ZCCHC14: variants seen among roughly 807,000 people sequenced by gnomAD.
ZCCHC14 encodes zinc finger CCHC domain-containing protein 14.
ZCCHC14 carries 16 observed loss-of-function variants against 85.0 expected under a neutral mutation model. That is an observed-to-expected ratio of 0.19 (90% CI 0.13 to 0.29). ZCCHC14 has a LOEUF of 0.29. ZCCHC14 is among the 10% of genes least tolerant of loss of function. The pLI is 1.00. For missense variants in ZCCHC14, 1,303 were observed against 1,443.5 expected (o/e 0.90, Z 1.58); for synonymous variants, 775 against 630.7 (o/e 1.23, Z -3.43).
intron 4 of ZCCHC14, among the ~76,000 whole-genome samples, chr16:87,422,428 A>C (rs560015228): frequency 6.6e-6 from 1 of 152,078 alleles, no homozygotes; most frequent in Admixed American, 6.6e-5. Context: ...AATGGATAAG[A>C]ATTTTCCAAA....
rs750964145 is a variant in ZCCHC14, at chr16:87,417,758, A to G, written c.1101-16T>C. On this transcript the variant is annotated splice_polypyrimidine_tract_variant and intron_variant, in intron 7 of 12. Transcript: ENST00000671377. ...ACACACAGGCCTGTGGGACAGGGGCAGGAGGGACACAGAGAGACTGTGGCT... is the reference window on the plus strand; with the variant it reads ...ACACACAGGCCTGTGGGACAGGGGCGGGAGGGACACAGAGAGACTGTGGCT... The G allele has an allele frequency of 8.3e-6, 13 of 1,565,184 alleles. No homozygotes were observed. Among genetic ancestry groups the G allele is most frequent in the Non-Finnish European group, 1.1e-5 (13 of 1,158,912 alleles).
At chr16:87,425,842 C>T (rs1909343528) in intron 3 of ZCCHC14, among the ~76,000 whole-genome samples, 2 of 152,186 alleles carry the variant, frequency 1.3e-5, no homozygotes, top group Admixed American at 1.3e-4. Flanking sequence ...CTCACACCTG[C>T]CTCTAGGCTG....
At chr16:87,483,618 A>C (rs1329139889) in intron 1 of ZCCHC14, among the ~76,000 whole-genome samples, 1 of 152,242 alleles carries the variant, frequency 6.6e-6, no homozygotes, top group East Asian at 1.9e-4. Context: ...ATCAACTCCT[A>C]AGATAAAACC....
chr16:87,455,721 G>T (rs1028639932), intron 2 of ZCCHC14, among the ~76,000 whole-genome samples: 6 of 152,220 alleles, frequency 3.9e-5, no homozygotes, highest in Non-Finnish European at 7.3e-5. Context: ...GGCTGGAGTT[G>T]ACGATTTTTC....
chr16:87,464,916 C>T (rs1346309029), intron 1 of ZCCHC14, among the ~76,000 whole-genome samples: 4 of 152,232 alleles, frequency 2.6e-5, no homozygotes, highest in African/African-American at 4.8e-5. Flanking sequence ...AGAGGGAAGA[C>T]TGACCGGCTC....
At chr16:87,473,370 T>C (rs1597448345) in intron 1 of ZCCHC14, 2 of 152,296 alleles carry the variant, frequency 1.3e-5, no homozygotes, top group Middle Eastern at 6.8e-3. Context: ...ACCCAGCTAA[T>C]TTTTGTATTA....
At position 87,411,864 on chromosome 16, in the gene ZCCHC14, C is replaced by T. The variant is rs931933177; in HGVS notation, c.2857G>A (p.Gly953Ser). The T allele has an allele frequency of 7.5e-6, 12 of 1,605,542 alleles. No homozygotes were observed. Among genetic ancestry groups the T allele is most frequent in the East Asian group, 2.2e-5 (1 of 44,550 alleles). Residue 953 changes from glycine to serine, a missense_variant, in exon 12 of 13, where the codon GGT (glycine) becomes AGT (serine). Around this residue, in one of 7 missense-constraint regions of ZCCHC14, gnomAD observed 797 missense variants for 730.8 expected, o/e 1.09. Transcript: ENST00000671377. Reference sequence around the variant, plus strand: ...AAGGGGAAGGTGAACACGGACGGACCGGAGAACGGGTGCTGGAAGTAGTTG... The same window carrying T: ...AAGGGGAAGGTGAACACGGACGGACTGGAGAACGGGTGCTGGAAGTAGTTG... ...YANYFQHPFS[G>S]PSVFTFPFLP...
chr16:87,445,799 T>A (rs75867995), intron 2 of ZCCHC14, among the ~76,000 whole-genome samples: 375 of 152,294 alleles, frequency 2.5e-3, no homozygotes, highest in Non-Finnish European at 3.8e-3. Context: ...GGTTGTAGTG[T>A]CTCTTTTGAT....
At chr16:87,423,343 C>A (rs1909202063) in intron 4 of ZCCHC14, among the ~76,000 whole-genome samples, 1 of 152,076 alleles carries the variant, frequency 6.6e-6, no homozygotes, top group African/African-American at 2.4e-5. Flanking sequence ...ATGATGGTAC[C>A]ACCACAACCC....
At position 87,412,178 on chromosome 16, in the gene ZCCHC14, C is replaced by A; in HGVS notation, c.2543G>T (p.Ser848Ile). Reference sequence around the variant, plus strand: ...GTTGGCAAAGGACGTGGAGGGGTGGCTGCTGGGAGAGGCAGTGTTGCTGTT... The same window carrying A: ...GTTGGCAAAGGACGTGGAGGGGTGGATGCTGGGAGAGGCAGTGTTGCTGTT... ...CANSNTASPS[S>I]HPSTSFANMA... Residue 848 changes from serine to isoleucine, a missense_variant, in exon 12 of 13, where the codon AGC (serine) becomes ATC (isoleucine). Physicochemically the swap from Ser to Ile is moderately radical, Grantham distance 142. Coordinates refer to ENST00000671377, the MANE Select transcript of ZCCHC14 (RefSeq NM_015144.3). The A allele has an allele frequency of 3.1e-6, 5 of 1,614,060 alleles. No individual in the cohort carries two copies. The highest frequency in any genetic ancestry group is 4.2e-6 in the Non-Finnish European group (5 of 1,180,040).
chr16:87,467,525 G>A (rs944170177), intron 1 of ZCCHC14: 129 of 1,604,424 alleles, frequency 8.0e-5, no homozygotes, highest in Non-Finnish European at 9.5e-5. Flanking sequence ...TTTCTCAACA[G>A]TAGGATCAGA....
Position 87,491,272 on chromosome 16 carries a change from G to C in ZCCHC14, c.570+397C>G, listed in dbSNP as rs1912748384. On this transcript the variant is annotated intron_variant, in intron 1 of 12. Coordinates refer to ENST00000671377, the MANE Select transcript of ZCCHC14 (RefSeq NM_015144.3). The surrounding 1 kb of genome is among the most constrained non-coding windows in gnomAD (Gnocchi z 5.9). ...CCTGCCCAAGGGGCGCGAGGCGGAGGTGTGGAGGCTTTGGGGCACGCAGAG... is the reference window on the plus strand; with the variant it reads ...CCTGCCCAAGGGGCGCGAGGCGGAGCTGTGGAGGCTTTGGGGCACGCAGAG... Among the ~76,000 whole-genome samples, 1 of 152,244 alleles carries C rather than the reference G, an allele frequency of 6.6e-6. No homozygotes were observed. The highest frequency in any genetic ancestry group is 2.4e-5 in the African/African-American group (1 of 41,470).
Position 87,406,844 on chromosome 16 carries a change from CTCAT to C in ZCCHC14, c.*3432_*3435del, listed in dbSNP as rs1908223948. ...ACCCATGGCTTTCAGTGCCACCTGA[CTCAT>C]TCTTTGGAAGTCACCTGCATGCTGG... On this transcript the variant is annotated 3_prime_UTR_variant, in exon 13 of 13. Transcript: ENST00000671377. 1 of 152,264 alleles carries C rather than the reference CTCAT, an allele frequency of 6.6e-6. No homozygotes were observed. 9.4% of individuals were successfully genotyped at this position (152,264 alleles called of 1,614,324 possible).
rs575975308 is a variant in ZCCHC14 at position 87,491,984 on chromosome 16, G to A, written c.255C>T (p.Ser85=). 8 of 1,399,532 alleles carry A rather than the reference G, an allele frequency of 5.7e-6. 1 individual carries two copies. In the Admixed American group the frequency reaches 2.2e-4, roughly 39 times the overall value. 86.7% of individuals were successfully genotyped at this position (1,399,532 alleles called of 1,614,324 possible). A position where few individuals can be genotyped will look rare whatever the true frequency, so the allele number is the denominator to read the frequency against. The part of the protein sequence containing the change: ...LTNLTDEVVR[S]KLLVSLALLG... ...GCAGCGCCAGCGACACCAGCAGCTT[G>A]CTGCGCACCACCTCGTCCGTCAGGT... Residue 85 remains serine (S), a synonymous_variant, in exon 1 of 13, where the codon AGC becomes AGT. Transcript: ENST00000671377. This position sits in a 1 kb window ranked among gnomAD's most constrained non-coding sequence, Gnocchi z 5.9.
rs1234410412 is a variant in ZCCHC14, at chr16:87,420,209, C to G, written c.951-332G>C. On this transcript the variant is annotated intron_variant, in intron 5 of 12. Coordinates refer to ENST00000671377, the MANE Select transcript of ZCCHC14 (RefSeq NM_015144.3). This position sits in a 1 kb window ranked among gnomAD's most constrained non-coding sequence, Gnocchi z 5.0. Reference sequence around the variant, plus strand: ...CCCCGGCAGCAGCACATTTACGGAACTGGTCGGCCATGTTACTTCGTGTGC... The same window carrying G: ...CCCCGGCAGCAGCACATTTACGGAAGTGGTCGGCCATGTTACTTCGTGTGC... Among the ~76,000 whole-genome samples, 1 of 152,224 alleles carries G rather than the reference C, an allele frequency of 6.6e-6. No homozygotes were observed.
intron 1 of ZCCHC14, among the ~76,000 whole-genome samples, chr16:87,466,431 G>A (rs760433319): frequency 5.1e-4 from 77 of 152,314 alleles, no homozygotes; most frequent in Non-Finnish European, 9.0e-4. Context: ...TCAGAAAAAC[G>A]GCAGTGAGCT....
chr16:87,464,581 A>G (rs1911433192), intron 1 of ZCCHC14, among the ~76,000 whole-genome samples: 1 of 152,192 alleles, frequency 6.6e-6, no homozygotes, highest in South Asian at 2.1e-4. Flanking sequence ...CACCCTAGCA[A>G]AACACACACT....
Position 87,492,445 on chromosome 16 carries a change from G to A in ZCCHC14, c.-207C>T, listed in dbSNP as rs1275957992. On this transcript the variant is annotated 5_prime_UTR_variant, in exon 1 of 13. Coordinates refer to ENST00000671377, the MANE Select transcript of ZCCHC14 (RefSeq NM_015144.3). The surrounding 1 kb of genome is among the most constrained non-coding windows in gnomAD (Gnocchi z 6.7). ...CCGGGCAAGGCTCCCGTCAGGGGCC[G>A]GCGGGCGGGCGCGCGCGGGGCGCCG... is the stretch of plus-strand genomic sequence containing the variant. The A allele has an allele frequency of 6.9e-6, 1 of 145,028 alleles. No individual in the cohort carries two copies. Among genetic ancestry groups the A allele is most frequent in the Non-Finnish European group, 1.5e-5 (1 of 65,442 alleles). 9.0% of individuals were successfully genotyped at this position (145,028 alleles called of 1,614,324 possible).
chr16:87,416,860 T>C (rs774567171), intron 8 of ZCCHC14, among the ~76,000 whole-genome samples: 15 of 152,220 alleles, frequency 9.9e-5, no homozygotes, highest in African/African-American at 1.7e-4. Context: ...CTAGGTTCAA[T>C]TGTAGATTTT....
Sources: allele counts gnomAD v4.1 joint callset (sites outside exome capture counted in the v4.1 genomes callset), GRCh38; gene constraint gnomAD v4.1.1; regional missense constraint gnomAD v4.1.1; non-coding constraint Gnocchi (gnomAD v3.1); transcripts MANE v1.5; gene names NCBI Gene and HGNC (gene_info 2026-07-23, HGNC 2026-07-21).